RNFT1: variants seen among roughly 807,000 people sequenced by gnomAD.
RNFT1 encodes the protein E3 ubiquitin-protein ligase RNFT1.
A neutral mutation model predicts 53.2 loss-of-function variants in RNFT1; 35 were observed. The observed-to-expected ratio is 0.66, with a 90% CI of 0.50 to 0.87. The LOEUF (loss-of-function observed/expected upper bound fraction) is 0.87. RNFT1 is among the 40% of genes least tolerant of loss of function. RNFT1 has a pLI of 0.00. For synonymous variants in RNFT1, 141 were observed against 172.8 expected, an observed-to-expected ratio of 0.82 and a Z score of 1.44; for missense variants, 421 against 515.0, an observed-to-expected ratio of 0.82 and a Z score of 1.77.
intron 5 of RNFT1, 146 bp downstream of exon 5, chr17:59,958,145 A>T (rs185412992): frequency 2.8e-6 from 2 of 724,028 alleles, no homozygotes; most frequent in East Asian, 6.1e-5. Context: ...GCCTGAACAA[A>T]TGGTTGCTAA....
rs2045260015 is a variant in RNFT1 at position 59,957,320 on chromosome 17, T to G, written c.909A>C (p.Pro303=). ...CQYYRTFVPI[P]VWFRYLISYG... is the part of the protein sequence containing the mutation. ...AGCTTATAAGGTAGCGAAACCAAAC[T>G]GGTATGGGAACAAAAGTTCGGTAGT... is the stretch of plus-strand genomic sequence containing the variant. Residue 303 remains proline (P), a synonymous_variant, in exon 6 of 9, where the codon CCA becomes CCC. Transcript: ENST00000305783. 6.8e-6 allele frequency: 11 copies of G among 1,613,916 alleles called. No homozygotes were observed. The highest frequency in any genetic ancestry group is 9.3e-6 in the Non-Finnish European group (11 of 1,179,978).
Position 59,962,359 on chromosome 17 carries a change from A to G in RNFT1, c.591+181T>C, listed in dbSNP as rs2045299974. ...CAAAGAAGGTAAGGTGAAGGAATTC[A>G]GCATTAGGAGAGATAATTTATTCCA... On this transcript the variant is annotated intron_variant, in intron 3 of 8. Coordinates refer to ENST00000305783, the MANE Select transcript of RNFT1 (RefSeq NM_016125.4). The G allele has an allele frequency of 6.0e-6, 3 of 503,278 alleles. No individual in the cohort carries two copies. The South Asian group carries it at 1.1e-4, about 19-fold the overall frequency. 31.2% of individuals were successfully genotyped at this position (503,278 alleles called of 1,614,324 possible).
chr17:59,964,447 A>G (rs2045319444), intron 1 of RNFT1, among the ~76,000 whole-genome samples, 161 bp downstream of exon 1: 1 of 152,210 alleles, frequency 6.6e-6, no homozygotes, highest in Non-Finnish European at 1.5e-5. Flanking sequence ...CAGACAAGAA[A>G]GAGGAGAAAA....
chr17:59,961,120 C>T (rs1346183156), intron 3 of RNFT1, among the ~76,000 whole-genome samples: 1 of 151,406 alleles, frequency 6.6e-6, no homozygotes, highest in African/African-American at 2.4e-5. Context: ...CACTGCAGCC[C>T]CAACCACCTG....
Position 59,962,851 on chromosome 17 carries a change from T to G in RNFT1, c.490A>C (p.Lys164Gln). Residue 164 changes from lysine (K) to glutamine (Q), a missense_variant, in exon 2 of 9, where the codon AAA becomes CAA. Lys to Gln is a moderately conservative substitution (Grantham distance 53). Transcript: ENST00000305783. The stretch of plus-strand genomic sequence containing the variant: ...CCTGTTATATGCTGCATAACAAGTT[T>G]GACGCTCAGAATCAAAATATATGGA... ...SLPYILILSV[K>Q]LVMQHITGIS... 4 of 1,612,212 alleles carry G rather than the reference T, an allele frequency of 2.5e-6. No individual in the cohort carries two copies. Among genetic ancestry groups the G allele is most frequent in the Non-Finnish European group, 3.4e-6 (4 of 1,178,280 alleles).
chr17:59,960,163 C>T lies in RNFT1; in HGVS notation c.597G>A (p.Arg199=), dbSNP rs2045279565. 6.3e-7 allele frequency: 1 copy of T among 1,599,166 alleles called. No homozygotes were observed. ...ACCAAGCACACTGAATCTTTGAGGACCTTTCCTGAAAGATAAACAATTTTA... is the reference window on the plus strand; with the variant it reads ...ACCAAGCACACTGAATCTTTGAGGATCTTTCCTGAAAGATAAACAATTTTA... The part of the protein sequence containing the change: ...SIVNQVFLRE[R]SSKIQCAWLL... The change falls in exon 4 of 9, where the codon AGG becomes AGA. Residue 199 remains arginine, a synonymous_variant. Coordinates refer to ENST00000305783, the MANE Select transcript of RNFT1 (RefSeq NM_016125.4).
intron 7 of RNFT1, 81 bp downstream of exon 7, chr17:59,956,407 C>T: frequency 1.2e-6 from 1 of 852,732 alleles, no homozygotes; most frequent in Non-Finnish European, 1.9e-6. Context: ...GAAATCCATT[C>T]TTGTAAAACT....
At position 59,964,732 on chromosome 17, in the gene RNFT1, G is replaced by T. The variant is rs2045323762; in HGVS notation, c.-69C>A. On this transcript the variant is annotated 5_prime_UTR_variant, in exon 1 of 9. Coordinates refer to ENST00000305783, the MANE Select transcript of RNFT1 (RefSeq NM_016125.4). ...CCGCAAGCTCTTCTCTCAGCCCGGCGGCAACGGCGGCGGCGCGCGCGCTCC... is the reference window on the plus strand; with the variant it reads ...CCGCAAGCTCTTCTCTCAGCCCGGCTGCAACGGCGGCGGCGCGCGCGCTCC... 2.7e-6 allele frequency: 4 copies of T among 1,468,382 alleles called. No homozygotes were observed. Among genetic ancestry groups the T allele is most frequent in the Admixed American group, 2.4e-5 (1 of 42,074 alleles). 91.0% of individuals were successfully genotyped at this position (1,468,382 alleles called of 1,614,324 possible).
chr17:59,954,311 T>C (rs1408565907), intron 7 of RNFT1, among the ~76,000 whole-genome samples, 165 bp from the exon 8 acceptor site: 2 of 152,214 alleles, frequency 1.3e-5, no homozygotes, highest in African/African-American at 2.4e-5. Context: ...GAACCACCTC[T>C]TGAGTGCACC....
chr17:59,958,389 T>C lies in RNFT1; in HGVS notation c.748A>G (p.Ile250Val), dbSNP rs1230336574. Reference sequence around the variant, plus strand: ...AGAATGAAGTCTGTAATTCCAACAATCCAAAATACTTCCCAGAAGCTCAAA... The same window carrying C: ...AGAATGAAGTCTGTAATTCCAACAACCCAAAATACTTCCCAGAAGCTCAAA... ...DHLSFWEVFW[I>V]VGITDFILKF... is the part of the protein sequence containing the mutation. Residue 250 changes from isoleucine to valine, a missense_variant, in exon 5 of 9, where the codon ATT becomes GTT. Transcript: ENST00000305783. 2 of 1,601,860 alleles carry C rather than the reference T, an allele frequency of 1.2e-6. No individual in the cohort carries two copies. Among genetic ancestry groups the C allele is most frequent in the South Asian group, 1.1e-5 (1 of 87,340 alleles).
At position 59,956,367 on chromosome 17, in the gene RNFT1, C is replaced by A. The variant is rs879242787; in HGVS notation, c.1071+121G>T. The A allele has an allele frequency of 4.4e-6, 3 of 681,042 alleles. No homozygotes were observed. In the South Asian group the frequency reaches 5.2e-5, roughly 12 times the overall value. The allele number at this position is 681,042 out of a possible 1,614,324, so 42.2% of individuals were successfully genotyped here. On this transcript the variant is annotated intron_variant, in intron 7 of 8. Coordinates refer to ENST00000305783, the MANE Select transcript of RNFT1 (RefSeq NM_016125.4). Reference sequence around the variant, plus strand: ...AAGTGCCAAAGTACTAGAAAATAATCAAAGTAAAAGAAAAGGATCATCTAT... The same window carrying A: ...AAGTGCCAAAGTACTAGAAAATAATAAAAGTAAAAGAAAAGGATCATCTAT...
chr17:59,958,974 T>C (rs1293617515), intron 4 of RNFT1, among the ~76,000 whole-genome samples: 1 of 151,510 alleles, frequency 6.6e-6, no homozygotes, highest in Non-Finnish European at 1.5e-5. Flanking sequence ...ATTGTGGTCA[T>C]GTCCAGTACT....
intron 3 of RNFT1, among the ~76,000 whole-genome samples, chr17:59,962,126 C>T (rs1415213558): frequency 6.6e-6 from 1 of 152,080 alleles, no homozygotes. Context: ...ACCTCATGAT[C>T]TGCCCGCCTC....
intron 5 of RNFT1, among the ~76,000 whole-genome samples, chr17:59,957,836 G>C (rs1031283357): frequency 6.6e-6 from 1 of 151,918 alleles, no homozygotes; most frequent in Non-Finnish European, 1.5e-5. Context: ...CAGAGCGAGA[G>C]ACAATCTCAA....
chr17:59,957,861 A>G (rs58997167), intron 5 of RNFT1, among the ~76,000 whole-genome samples: 1 of 151,230 alleles, frequency 6.6e-6, no homozygotes, highest in Non-Finnish European at 1.5e-5. Context: ...AAACAAAACC[A>G]AAAAAAAAGA....
chr17:59,952,832 T>C lies in RNFT1; in HGVS notation c.*145A>G, dbSNP rs1272907536. 31 of 660,300 alleles carry C rather than the reference T, an allele frequency of 4.7e-5. No homozygotes were observed. Among genetic ancestry groups the C allele is most frequent in the Admixed American group, 6.4e-5 (2 of 31,096 alleles). The allele number at this position is 660,300 out of a possible 1,614,324, so 40.9% of individuals were successfully genotyped here. On this transcript the variant is annotated 3_prime_UTR_variant, in exon 9 of 9. Transcript: ENST00000305783. Reference sequence around the variant, plus strand: ...ACACAGGGTGGTTTCATTTAATCTTTTGGTGAATTGGATCATAAGTCCTAC... The same window carrying C: ...ACACAGGGTGGTTTCATTTAATCTTCTGGTGAATTGGATCATAAGTCCTAC...
intron 7 of RNFT1, among the ~76,000 whole-genome samples, chr17:59,954,750 G>A (rs995574893): frequency 6.6e-6 from 1 of 152,136 alleles, no homozygotes; most frequent in African/African-American, 2.4e-5. Context: ...AAAATTATTC[G>A]AAATTATAAA....
rs1385738398 is a variant in RNFT1, at chr17:59,953,089, A to G, written c.1196T>C (p.Met399Thr). Residue 399 changes from methionine to threonine, a missense_variant, in exon 9 of 9, where the codon ATG becomes ACG. Coordinates refer to ENST00000305783, the MANE Select transcript of RNFT1 (RefSeq NM_016125.4). The part of the protein sequence containing the change: ...ICQHIFCEEC[M>T]TLWFNREKTC... ...TTTCTCTCTGTTAAACCATAAGGTCATGCACTCTTCACAAAATATATGCTG... is the reference window on the plus strand; with the variant it reads ...TTTCTCTCTGTTAAACCATAAGGTCGTGCACTCTTCACAAAATATATGCTG... 6.2e-7 allele frequency: 1 copy of G among 1,609,108 alleles called. No homozygotes were observed. Among genetic ancestry groups the G allele is most frequent in the Admixed American group, 1.7e-5 (1 of 59,974 alleles).
intron 8 of RNFT1, among the ~76,000 whole-genome samples, 154 bp from the exon 9 acceptor site, chr17:59,953,265 G>C (rs987653464): frequency 1.3e-5 from 2 of 150,526 alleles, no homozygotes; most frequent in Non-Finnish European, 2.9e-5. Context: ...GCACCATCTC[G>C]GCTCACTGCA....
Sources: gnomAD v4.1 joint callset for allele counts (sites outside exome capture counted in the v4.1 genomes callset) on GRCh38, gnomAD v4.1.1 for gene constraint, MANE v1.5 for transcripts, NCBI Gene and HGNC (gene_info 2026-07-23, HGNC 2026-07-21) for gene names.